Variants in SPTBN2 observed in about 807,000 individuals in gnomAD.
SPTBN2 encodes the protein spectrin beta chain, non-erythrocytic 2.
Under a neutral mutation model 284.2 loss-of-function variants are expected in SPTBN2, and 107 were observed. The ratio of observed to expected loss-of-function variants is 0.38; its 90% confidence interval spans 0.32 to 0.44. SPTBN2 has a LOEUF of 0.44. SPTBN2 is among the 20% of genes least tolerant of loss of function. The pLI is 1.00. For missense variants in SPTBN2, 2,569 were observed against 3,287.1 expected, an observed-to-expected ratio of 0.78 and a Z score of 5.34; for synonymous variants, 1,289 against 1,354.8, an observed-to-expected ratio of 0.95 and a Z score of 1.07.
rs1352972706 is a variant in SPTBN2 at position 66,683,708 on chromosome 11, G to A, written c.*2163C>T. On this transcript the variant is annotated 3_prime_UTR_variant, in exon 38 of 38. Transcript: ENST00000533211. ...AATTGGCTGTCCTATTTACACTTAC[G>A]TGTCGTGTTAAAATAATCATTTCTC... 2.0e-5 allele frequency among the ~76,000 whole-genome samples: 3 copies of A among 152,174 alleles called. No individual in the cohort carries two copies. Among genetic ancestry groups the A allele is most frequent in the African/African-American group, 7.2e-5 (3 of 41,436 alleles).
chr11:66,693,990 G>A lies in SPTBN2; in HGVS notation c.4504-129C>T. ...GGAACAGTCATCTCTGGTTCTGGGA[G>A]GCATCTCCAAGTCTCCCTATAGGGG... On this transcript the variant is annotated intron_variant, in intron 22 of 37. Transcript: ENST00000533211. The surrounding 1 kb of genome is among the most constrained non-coding windows in gnomAD (Gnocchi z 5.7). 2 of 1,308,272 alleles carry A rather than the reference G, an allele frequency of 1.5e-6. No individual in the cohort carries two copies. Among genetic ancestry groups the A allele is most frequent in the Non-Finnish European group, 2.1e-6 (2 of 935,404 alleles). 81.0% of individuals were successfully genotyped at this position (1,308,272 alleles called of 1,614,324 possible).
rs1363349673 is a variant in SPTBN2 at position 66,725,012 on chromosome 11, G to A, written c.-113-3572C>T. Among the ~76,000 whole-genome samples the A allele has an allele frequency of 2.0e-5, 3 of 152,196 alleles. No individual in the cohort carries two copies. In the South Asian group the frequency reaches 6.2e-4, roughly 31 times the overall value. On this transcript the variant is annotated intron_variant, in intron 1 of 37. Coordinates refer to ENST00000533211, the MANE Select transcript of SPTBN2 (RefSeq NM_006946.4). The stretch of plus-strand genomic sequence containing the variant: ...GTCCAACTGTTAGAATGTCTCTGCG[G>A]ATTCCTACCATTACCAGGAGAAAGT...
chr11:66,696,150 A>G (rs200392961), intron 21 of SPTBN2, 127 bp downstream of exon 21: 1 of 1,275,084 alleles, frequency 7.8e-7, no homozygotes, highest in Non-Finnish European at 1.1e-6. Context: ...TGGCTGCCCA[A>G]AGAAATGACT....
Position 66,705,848 on chromosome 11 carries a change from C to G in SPTBN2, c.1654-11G>C. ...AGACTGCAGCCGGCCCTGCCAGGCA[C>G]ACATGAAGTGCACATGCCCGCCTGA... On this transcript the variant is annotated splice_polypyrimidine_tract_variant and intron_variant, in intron 13 of 37. Coordinates refer to ENST00000533211, the MANE Select transcript of SPTBN2 (RefSeq NM_006946.4). 6.2e-7 allele frequency: 1 copy of G among 1,611,888 alleles called. No individual in the cohort carries two copies. Among genetic ancestry groups the G allele is most frequent in the Non-Finnish European group, 8.5e-7 (1 of 1,179,696 alleles).
chr11:66,693,428 G>T lies in SPTBN2; in HGVS notation c.4612C>A (p.Gln1538Lys). The T allele has an allele frequency of 6.9e-6, 11 of 1,599,378 alleles. No individual in the cohort carries two copies. The highest frequency in any genetic ancestry group is 9.3e-6 in the Non-Finnish European group (11 of 1,179,720). ...TCCGCGATCCGGGGCTCATGGCCCTGAATCTCTTTCTGCAGGGTCTGCCCA... is the reference window on the plus strand; with the variant it reads ...TCCGCGATCCGGGGCTCATGGCCCTTAATCTCTTTCTGCAGGGTCTGCCCA... ...KKNQTLQKEI[Q>K]GHEPRIADLR... The change falls in exon 24 of 38, where the codon CAG (glutamine) becomes AAG (lysine). Residue 1538 changes from glutamine to lysine, a missense_variant. Coordinates refer to ENST00000533211, the MANE Select transcript of SPTBN2 (RefSeq NM_006946.4). This position sits in a 1 kb window ranked among gnomAD's most constrained non-coding sequence, Gnocchi z 5.7.
At chr11:66,712,706 T>A (rs1264013967) in intron 8 of SPTBN2, 2 of 152,194 alleles carry the variant, frequency 1.3e-5, no homozygotes, top group East Asian at 3.8e-4. Context: ...CTTAAAAATT[T>A]GTTTTAAAAA....
chr11:66,741,453 G>A (rs1025519602), intron 1 of SPTBN2, among the ~76,000 whole-genome samples: 1 of 152,154 alleles, frequency 6.6e-6, no homozygotes, highest in African/African-American at 2.4e-5. Context: ...AAATTACCCA[G>A]TGTCGGGTAT....
rs372569008 is a variant in SPTBN2, at chr11:66,700,752, C to T, written c.3347G>A (p.Arg1116Gln). 98 of 1,602,626 alleles carry T rather than the reference C, an allele frequency of 6.1e-5. No homozygotes were observed. Among genetic ancestry groups the T allele is most frequent in the Admixed American group, 1.7e-4 (10 of 59,988 alleles). Residue 1116 changes from arginine to glutamine, a missense_variant, in exon 17 of 38, where the codon CGG becomes CAG. Coordinates refer to ENST00000533211, the MANE Select transcript of SPTBN2 (RefSeq NM_006946.4). The surrounding 1 kb of genome is among the most constrained non-coding windows in gnomAD (Gnocchi z 6.6). Reference protein sequence around the residue: ...QHAALRGEVERAQSEYSRLRA... With the variant: ...QHAALRGEVEQAQSEYSRLRA... ...CAGCCGGCTATACTCGCTCTGGGCC[C>T]GCTCCACCTCTCCCCGCAGGGCTGC...
rs1296919524 is a variant in SPTBN2 at position 66,700,996 on chromosome 11, C to T, written c.3103G>A (p.Ala1035Thr). 1 of 1,607,722 alleles carries T rather than the reference C, an allele frequency of 6.2e-7. No homozygotes were observed. Residue 1035 changes from alanine to threonine, a missense_variant, in exon 17 of 38, where the codon GCC (alanine) becomes ACC (threonine). Around this residue, in one of 6 missense-constraint regions of SPTBN2, gnomAD observed 1,012 missense variants for 1,248.9 expected, o/e 0.81. Coordinates refer to ENST00000533211, the MANE Select transcript of SPTBN2 (RefSeq NM_006946.4). The surrounding 1 kb of genome is among the most constrained non-coding windows in gnomAD (Gnocchi z 6.6). ...ACCTCTCTCAGCCGGGCGTTGATGG[C>T]CACTGCCTGAGCGGGATGGCCGGCA... ...LAAGHPAQAV[A>T]INARLREVQT...
chr11:66,709,137 T>C, intron 10 of SPTBN2, 118 bp from the exon 11 acceptor site: 4 of 829,450 alleles, frequency 4.8e-6, no homozygotes, highest in Non-Finnish European at 8.2e-6. Context: ...AATATAAACT[T>C]TTTATGTGGA....
At position 66,693,747 on chromosome 11, in the gene SPTBN2, CTT is replaced by C; in HGVS notation, c.4593+23_4593+24del. ...TCTGGGCAGGCTCCTGGGAACTTCT[CTT>C]TTGCCTTCAGCCTCTGCCTCACCTG... On this transcript the variant is annotated intron_variant, in intron 23 of 37. Coordinates refer to ENST00000533211, the MANE Select transcript of SPTBN2 (RefSeq NM_006946.4). The surrounding 1 kb of genome is among the most constrained non-coding windows in gnomAD (Gnocchi z 5.7). 3.0e-5 allele frequency: 48 copies of C among 1,602,752 alleles called. No individual in the cohort carries two copies. Among genetic ancestry groups the C allele is most frequent in the Non-Finnish European group, 4.1e-5 (48 of 1,174,376 alleles).
Position 66,715,229 on chromosome 11 carries a change from C to G in SPTBN2, c.476G>C (p.Arg159Pro). 1 of 1,614,166 alleles carries G rather than the reference C, an allele frequency of 6.2e-7. No individual in the cohort carries two copies. The highest frequency in any genetic ancestry group is 8.5e-7 in the Non-Finnish European group (1 of 1,180,044). ...GACAGTGTGCTGGGGTACCTGGAATCGAAGGATGATGGTCCAGACCAGCCC... is the reference window on the plus strand; with the variant it reads ...GACAGTGTGCTGGGGTACCTGGAATGGAAGGATGATGGTCCAGACCAGCCC... Reference protein sequence around the residue: ...TLGLVWTIILRFQIQDISVET... With the variant: ...TLGLVWTIILPFQIQDISVET... The change falls in exon 5 of 38, where the codon CGA becomes CCA. Residue 159 changes from arginine to proline, a missense_variant. This residue lies in a region of SPTBN2 where 304 missense variants were observed against 522.1 expected (regional missense o/e 0.58). Transcript: ENST00000533211. This position sits in a 1 kb window ranked among gnomAD's most constrained non-coding sequence, Gnocchi z 5.3.
At chr11:66,698,924 G>A in intron 19 of SPTBN2, 68 bp downstream of exon 19, 1 of 1,604,364 alleles carries the variant, frequency 6.2e-7, no homozygotes, top group Non-Finnish European at 8.5e-7. Context: ...CCTTGTGCTG[G>A]ACTTATTCTA....
chr11:66,693,485 G>T lies in SPTBN2; in HGVS notation c.4594-39C>A, dbSNP rs751537441. 6.3e-7 allele frequency: 1 copy of T among 1,577,666 alleles called. No individual in the cohort carries two copies. The highest frequency in any genetic ancestry group is 1.1e-5 in the South Asian group (1 of 88,530). On this transcript the variant is annotated intron_variant, in intron 23 of 37. Transcript: ENST00000533211. The surrounding 1 kb of genome is among the most constrained non-coding windows in gnomAD (Gnocchi z 5.7). ...CAGAAGAGAAAATGCTGAAAGTCCT[G>T]CCCCAGCCCCACGTGCTCCCGGAGA...
At chr11:66,719,202 C>T (rs528560878) in intron 3 of SPTBN2, among the ~76,000 whole-genome samples, 2 of 152,222 alleles carry the variant, frequency 1.3e-5, no homozygotes, top group Admixed American at 1.3e-4. Context: ...AGGCATTTTC[C>T]TTCACTCCCT....
chr11:66,738,227 C>CA (rs200951021), intron 1 of SPTBN2, among the ~76,000 whole-genome samples: 28 of 149,918 alleles, frequency 1.9e-4, no homozygotes, highest in Admixed American at 7.3e-4. Context: ...AAAAAACAAA[C>CA]AAACAAAAAA....
Position 66,708,144 on chromosome 11 carries a change from G to A in SPTBN2, c.1347C>T (p.Ser449=). ...TWLSENQRLV[S]QDNFGLELAA... ...TCCTAGGAGCCTCAAGTCCTACCTG[G>A]GACACGAGGCGCTGGTTCTCGCTGA... The change falls in exon 12 of 38, where the codon TCC becomes TCT. Residue 449 remains serine, a synonymous_variant. Coordinates refer to ENST00000533211, the MANE Select transcript of SPTBN2 (RefSeq NM_006946.4). The surrounding 1 kb of genome is among the most constrained non-coding windows in gnomAD (Gnocchi z 4.4). 1 of 1,613,164 alleles carries A rather than the reference G, an allele frequency of 6.2e-7. No individual in the cohort carries two copies. The highest frequency in any genetic ancestry group is 2.2e-5 in the East Asian group (1 of 44,886).
At position 66,687,179 on chromosome 11, in the gene SPTBN2, G is replaced by A. The variant is rs764180626; in HGVS notation, c.6723-12C>T. 3.7e-6 allele frequency: 6 copies of A among 1,613,426 alleles called. No individual in the cohort carries two copies. The highest frequency in any genetic ancestry group is 1.7e-4 in the Middle Eastern group (1 of 6,050). Reference sequence around the variant, plus strand: ...CGTTCTGCCAGGACCTGCGAGGGACGCGGTGCTGACTGGCCGGCCTCAGTG... The same window carrying A: ...CGTTCTGCCAGGACCTGCGAGGGACACGGTGCTGACTGGCCGGCCTCAGTG... On this transcript the variant is annotated splice_polypyrimidine_tract_variant and intron_variant, in intron 35 of 37. Coordinates refer to ENST00000533211, the MANE Select transcript of SPTBN2 (RefSeq NM_006946.4). The surrounding 1 kb of genome is among the most constrained non-coding windows in gnomAD (Gnocchi z 5.2).
Position 66,715,130 on chromosome 11 carries a change from T to C in SPTBN2, c.483+92A>G. 6.5e-7 allele frequency: 1 copy of C among 1,528,200 alleles called. No individual in the cohort carries two copies. The highest frequency in any genetic ancestry group is 9.0e-7 in the Non-Finnish European group (1 of 1,106,884). The allele number at this position is 1,528,200 out of a possible 1,614,324, so 94.7% of individuals were successfully genotyped here. On this transcript the variant is annotated intron_variant, in intron 5 of 37. Coordinates refer to ENST00000533211, the MANE Select transcript of SPTBN2 (RefSeq NM_006946.4). This position sits in a 1 kb window ranked among gnomAD's most constrained non-coding sequence, Gnocchi z 5.3. ...TACATAAGGTTCTAGATCCTCCATCTTTGTGTTTGTTGTGTCATGGGCCAG... is the reference window on the plus strand; with the variant it reads ...TACATAAGGTTCTAGATCCTCCATCCTTGTGTTTGTTGTGTCATGGGCCAG...
Sources: allele counts gnomAD v4.1 joint callset (sites outside exome capture counted in the v4.1 genomes callset), GRCh38; gene constraint gnomAD v4.1.1; regional missense constraint gnomAD v4.1.1; non-coding constraint Gnocchi (gnomAD v3.1); transcripts MANE v1.5; gene names NCBI Gene and HGNC (gene_info 2026-07-23, HGNC 2026-07-21).